P4HA1: variants seen among roughly 807,000 people sequenced by gnomAD.
The protein encoded by P4HA1 is prolyl 4-hydroxylase subunit alpha 1.
In P4HA1, 24 loss-of-function variants were observed where a neutral mutation model predicts 72.8. That is an observed-to-expected ratio of 0.33 (90% CI 0.24 to 0.46). The LOEUF (loss-of-function observed/expected upper bound fraction) is 0.46, where lower values mean the gene tolerates loss of function less well. Ranked by LOEUF, P4HA1 falls within the 20% of genes least tolerant of loss-of-function variation. P4HA1 has a pLI of 1.00. For synonymous variants in P4HA1, 201 were observed against 218.8 expected (o/e 0.92, Z 0.72); for missense variants, 446 against 640.6 (o/e 0.70, Z 3.28).
At chr10:73,053,916 C>T (rs1841075830) in intron 5 of P4HA1, among the ~76,000 whole-genome samples, 2 of 145,740 alleles carry the variant, frequency 1.4e-5, no homozygotes, top group Admixed American at 6.9e-5. Flanking sequence ...AGATACATCT[C>T]TTTTTTTTTT....
At chr10:73,034,179 A>G (rs1840508693) in intron 9 of P4HA1, among the ~76,000 whole-genome samples, 1 of 152,116 alleles carries the variant, frequency 6.6e-6, no homozygotes, top group African/African-American at 2.4e-5. Flanking sequence ...ACACCACTGC[A>G]CTCCAGCCTG....
chr10:73,043,545 G>T (rs1391678030), intron 9 of P4HA1, among the ~76,000 whole-genome samples: 3 of 152,238 alleles, frequency 2.0e-5, no homozygotes, highest in Admixed American at 6.5e-5. Context: ...GTGACCCTGA[G>T]ATTTTTAAAC....
At chr10:73,081,537 T>C (rs1026068579) in intron 1 of P4HA1, among the ~76,000 whole-genome samples, 3 of 152,126 alleles carry the variant, frequency 2.0e-5, no homozygotes, top group Non-Finnish European at 4.4e-5. Context: ...AATGTGAAGT[T>C]TACATTCATC....
chr10:73,095,416 T>G (rs1842142672), intron 1 of P4HA1, among the ~76,000 whole-genome samples: 1 of 151,750 alleles, frequency 6.6e-6, no homozygotes. Context: ...CCAACGTTCC[T>G]GCTATGCAGA....
intron 1 of P4HA1, among the ~76,000 whole-genome samples, chr10:73,075,574 CT>C (rs536949502): frequency 6.6e-6 from 1 of 152,020 alleles, no homozygotes; most frequent in Non-Finnish European, 1.5e-5. Context: ...TATCCTATGA[CT>C]TTCTCATAAA....
chr10:73,094,547 A>T (rs1842120345), intron 1 of P4HA1, among the ~76,000 whole-genome samples: 1 of 152,234 alleles, frequency 6.6e-6, no homozygotes. Context: ...GGTCAATTCA[A>T]GAGCAATAAT....
intron 7 of P4HA1, among the ~76,000 whole-genome samples, chr10:73,048,490 C>G (rs1840929768): frequency 6.6e-6 from 1 of 152,120 alleles, no homozygotes. Flanking sequence ...GTCTTGAACT[C>G]CTGACCTCAG....
At chr10:73,066,838 C>T (rs1301480845) in intron 5 of P4HA1, among the ~76,000 whole-genome samples, 6 of 152,084 alleles carry the variant, frequency 3.9e-5, no homozygotes, top group Non-Finnish European at 1.5e-5. Context: ...TTCCTGCCAC[C>T]CTGTGAAGAA....
At chr10:73,008,362 T>C (rs1474640444) in intron 14 of P4HA1, 70 bp from the exon 15 acceptor site, 1 of 980,676 alleles carries the variant, frequency 1.0e-6, no homozygotes, top group African/African-American at 1.6e-5. Flanking sequence ...TTCTAAAAGC[T>C]AGGTCTATAA....
chr10:73,063,384 A>T (rs1011902540), intron 5 of P4HA1, among the ~76,000 whole-genome samples: 1 of 152,196 alleles, frequency 6.6e-6, no homozygotes. Context: ...TAAGGGCCTT[A>T]AATCCCATTC....
chr10:73,012,142 C>T (rs1319756468), intron 12 of P4HA1, among the ~76,000 whole-genome samples: 1 of 152,036 alleles, frequency 6.6e-6, no homozygotes, highest in Non-Finnish European at 1.5e-5. Context: ...GAGGGAGAAA[C>T]AGATAGTGGG....
At chr10:73,073,169 C>CAAAA (rs753465901) in intron 3 of P4HA1, among the ~76,000 whole-genome samples, 1 of 61,834 alleles carries the variant, frequency 1.6e-5, no homozygotes, top group South Asian at 5.4e-4. Flanking sequence ...GACTCTGTCA[C>CAAAA]AAAAAAAAAA....
chr10:73,092,170 T>G (rs1228506925), intron 1 of P4HA1, among the ~76,000 whole-genome samples: 1 of 152,226 alleles, frequency 6.6e-6, no homozygotes, highest in East Asian at 1.9e-4. Context: ...GTAGAGGATG[T>G]GAATCTAGAT....
intron 11 of P4HA1, among the ~76,000 whole-genome samples, chr10:73,015,106 C>CA (rs1839985886): frequency 6.6e-6 from 1 of 152,120 alleles, no homozygotes; most frequent in Non-Finnish European, 1.5e-5. Context: ...GCTGGGATTA[C>CA]AGGCATGAGC....
At chr10:73,091,287 G>T (rs940146675) in intron 1 of P4HA1, among the ~76,000 whole-genome samples, 2 of 151,928 alleles carry the variant, frequency 1.3e-5, no homozygotes, top group African/African-American at 4.8e-5. Context: ...TCAACCAGTA[G>T]GTTTTAGAAA....
intron 5 of P4HA1, 124 bp downstream of exon 5, chr10:73,068,722 G>T: frequency 2.7e-6 from 2 of 752,018 alleles, no homozygotes; most frequent in Non-Finnish European, 4.4e-6. Flanking sequence ...GTCTTCGAAG[G>T]CTATGAAACA....
At chr10:73,075,660 A>G (rs1381624733) in intron 1 of P4HA1, among the ~76,000 whole-genome samples, 2 of 152,020 alleles carry the variant, frequency 1.3e-5, no homozygotes, top group African/African-American at 4.8e-5. Flanking sequence ...ATTTTAAAGG[A>G]AAAATATTTC....
chr10:73,024,799 T>C (rs1264327390), intron 10 of P4HA1, among the ~76,000 whole-genome samples: 1 of 152,008 alleles, frequency 6.6e-6, no homozygotes, highest in African/African-American at 2.4e-5. Context: ...TAAAAAATGA[T>C]AAAGGGGATA....
rs773651613 is a variant in P4HA1, at chr10:73,045,004, C to T, written c.1125G>A (p.Thr375=). ...ISNPITGDLE[T]VHYRISKSAW... is the part of the protein sequence containing the mutation. Reference sequence around the variant, plus strand: ...ACCTTTTGCTAATTCTGTAATGTACCGTCTCCAAGTCTCCTGTTATTGGGT... The same window carrying T: ...ACCTTTTGCTAATTCTGTAATGTACTGTCTCCAAGTCTCCTGTTATTGGGT... The change falls in exon 9 of 15, where the codon ACG becomes ACA. Residue 375 remains threonine (T), a synonymous_variant. Coordinates refer to ENST00000394890, the MANE Select transcript of P4HA1 (RefSeq NM_001017962.3). 1.7e-5 allele frequency: 27 copies of T among 1,613,254 alleles called. No individual in the cohort carries two copies. The highest frequency in any genetic ancestry group is 3.3e-5 in the Admixed American group (2 of 59,938).
Sources: allele counts gnomAD v4.1 joint callset (sites outside exome capture counted in the v4.1 genomes callset), GRCh38; gene constraint gnomAD v4.1.1; transcripts MANE v1.5; gene names NCBI Gene and HGNC (gene_info 2026-07-23, HGNC 2026-07-21).